The following MMP26 variants were observed in gnomAD, a reference collection of about 807,000 sequenced individuals.
The protein encoded by MMP26 is matrix metallopeptidase 26.
MMP26 carries 33 observed loss-of-function variants against 31.0 expected under a neutral mutation model. The observed-to-expected ratio is 1.06, with a 90% CI of 0.81 to 1.42. The LOEUF is 1.42. Ranked by LOEUF, MMP26 falls within the 40% of genes most tolerant of loss-of-function variation. The probability of loss-of-function intolerance (pLI) is 0.00; values close to 1 mark genes in which losing one functional copy is unlikely to be tolerated. For missense variants in MMP26, 347 were observed against 316.1 expected (o/e 1.10, Z -0.74); for synonymous variants, 122 against 114.9 (o/e 1.06, Z -0.40).
At chr11:4,769,259 T>C in intron 2 of MMP26, 4 of 1,613,776 alleles carry the variant, frequency 2.5e-6, no homozygotes, top group East Asian at 2.2e-5. Context: ...AATTAAGATA[T>C]ATGACAGGAC....
At chr11:4,720,952 A>G (rs1280878368) in intron 1 of MMP26, among the ~76,000 whole-genome samples, 1 of 152,188 alleles carries the variant, frequency 6.6e-6, no homozygotes, top group Non-Finnish European at 1.5e-5. Context: ...AAATAAAACT[A>G]GAAACTGGAA....
At chr11:4,855,571 G>A (rs1205827806) in intron 2 of MMP26, among the ~76,000 whole-genome samples, 1 of 152,194 alleles carries the variant, frequency 6.6e-6, no homozygotes, top group African/African-American at 2.4e-5. Context: ...ATGAGACTAT[G>A]TGAAAAGACC....
intron 2 of MMP26, chr11:4,915,642 T>C (rs575755614): frequency 1.2e-6 from 2 of 1,613,046 alleles, no homozygotes; most frequent in African/African-American, 2.7e-5. Flanking sequence ...CTGCTGCTGT[T>C]TCCCAGGGAT....
intron 2 of MMP26, among the ~76,000 whole-genome samples, chr11:4,953,021 G>C (rs1048894240): frequency 4.8e-5 from 6 of 124,670 alleles, no homozygotes; most frequent in African/African-American, 1.4e-4. Context: ...AAATGAAAAG[G>C]CTAAAGTGGT....
intron 1 of MMP26, among the ~76,000 whole-genome samples, chr11:4,743,901 G>A (rs757439535): frequency 2.0e-5 from 3 of 152,042 alleles, no homozygotes; most frequent in Non-Finnish European, 4.4e-5. Context: ...GACCTCCTGG[G>A]CTCAAGTGAT....
chr11:4,883,390 C>T (rs1484106130), intron 2 of MMP26, among the ~76,000 whole-genome samples: 1 of 152,120 alleles, frequency 6.6e-6, no homozygotes, highest in African/African-American at 2.4e-5. Flanking sequence ...GGTTTCAGTT[C>T]CTGGTGTCAC....
chr11:4,879,232 T>A (rs1192662165), intron 2 of MMP26, among the ~76,000 whole-genome samples: 2 of 152,094 alleles, frequency 1.3e-5, no homozygotes, highest in African/African-American at 2.4e-5. Flanking sequence ...AGATTCTGTC[T>A]CAAGACAGGG....
rs144411881 is a variant in MMP26 at position 4,910,387 on chromosome 11, C to G, written c.-144-77681C>G. Among the ~76,000 whole-genome samples, 1,090 of 152,194 alleles carry G rather than the reference C, an allele frequency of 7.2e-3. 14 individuals are homozygous for G. Among genetic ancestry groups the G allele is most frequent in the African/African-American group, 0.024 (982 of 41,542 alleles). ...GTTAAGGTTTTGAATCTTAATCAGT[C>G]TGCAAAGTATCATTTTCTATGTAAA... On this transcript the variant is annotated intron_variant, in intron 2 of 7. Transcript: ENST00000380390.
At chr11:4,740,271 A>G (rs1848294942) in intron 1 of MMP26, among the ~76,000 whole-genome samples, 1 of 152,250 alleles carries the variant, frequency 6.6e-6, no homozygotes, top group Non-Finnish European at 1.5e-5. Context: ...ACTTATGGCT[A>G]GAACCATCAA....
chr11:4,826,025 A>G (rs538721981), intron 2 of MMP26, among the ~76,000 whole-genome samples: 3 of 152,264 alleles, frequency 2.0e-5, no homozygotes, highest in African/African-American at 7.2e-5. Context: ...AGAAACAGCT[A>G]TAAGGGGCAA....
chr11:4,725,938 C>T (rs1442065945), intron 1 of MMP26, among the ~76,000 whole-genome samples: 1 of 152,170 alleles, frequency 6.6e-6, no homozygotes, highest in Non-Finnish European at 1.5e-5. Flanking sequence ...TAAGAAGGTC[C>T]TCTTAGATGA....
chr11:4,933,491 AT>A lies in MMP26; in HGVS notation c.-144-54566del, dbSNP rs767301279. ...ATGATTAAGAAAGACAGAAAGATTG[AT>A]TTTTTTTTTTAACCATTACCCTGTT... On this transcript the variant is annotated intron_variant, in intron 2 of 7. Coordinates refer to ENST00000380390, the MANE Select transcript of MMP26 (RefSeq NM_021801.5). Among the ~76,000 whole-genome samples the A allele has an allele frequency of 2.5e-3, 340 of 138,744 alleles. 1 individual carries two copies. Among genetic ancestry groups the A allele is most frequent in the Admixed American group, 6.5e-3 (93 of 14,236 alleles). 91.0% of individuals were successfully genotyped at this position (138,744 alleles called of 152,430 possible).
At chr11:4,911,807 A>G (rs1348197626) in intron 2 of MMP26, among the ~76,000 whole-genome samples, 3 of 152,170 alleles carry the variant, frequency 2.0e-5, no homozygotes, top group African/African-American at 7.2e-5. Flanking sequence ...GAAATAGTTA[A>G]TCATTTACTG....
intron 2 of MMP26, among the ~76,000 whole-genome samples, chr11:4,838,667 G>A (rs1849754026): frequency 6.6e-6 from 1 of 152,010 alleles, no homozygotes; most frequent in Non-Finnish European, 1.5e-5. Context: ...TGCACTTGGA[G>A]GAATGAGGAA....
intron 2 of MMP26, chr11:4,907,826 A>C: frequency 6.2e-7 from 1 of 1,613,884 alleles, no homozygotes; most frequent in Non-Finnish European, 8.5e-7. Flanking sequence ...CATTAGGAGC[A>C]TTCTCTTAGT....
At chr11:4,708,672 A>G (rs1847815772) in intron 1 of MMP26, among the ~76,000 whole-genome samples, 1 of 152,246 alleles carries the variant, frequency 6.6e-6, no homozygotes, top group Non-Finnish European at 1.5e-5. Context: ...AAACATTTTC[A>G]ATCCTACAGA....
At chr11:4,834,332 C>G (rs964245919) in intron 2 of MMP26, among the ~76,000 whole-genome samples, 3 of 152,110 alleles carry the variant, frequency 2.0e-5, no homozygotes, top group Non-Finnish European at 4.4e-5. Flanking sequence ...AACTTTAATA[C>G]CTGAGCCTCC....
chr11:4,980,259 A>C (rs1475951616), intron 2 of MMP26, among the ~76,000 whole-genome samples: 1 of 152,062 alleles, frequency 6.6e-6, no homozygotes, highest in Non-Finnish European at 1.5e-5. Flanking sequence ...CTGAGTATAA[A>C]GACACCAAAG....
chr11:4,986,905 T>TTCTCTCTCCC, intron 2 of MMP26, among the ~76,000 whole-genome samples: 1 of 48,674 alleles, frequency 2.1e-5, no homozygotes, highest in African/African-American at 8.5e-5. Flanking sequence ...CTTCCTTCCT[T>TTCTCTCTCCC]TCTCTCTCTC....
Sources: allele counts gnomAD v4.1 joint callset (sites outside exome capture counted in the v4.1 genomes callset), GRCh38; gene constraint gnomAD v4.1.1; transcripts MANE v1.5; gene names NCBI Gene and HGNC (gene_info 2026-07-23, HGNC 2026-07-21).